LAMA3: variants seen among roughly 807,000 people sequenced by gnomAD.
LAMA3 encodes laminin subunit alpha 3.
A neutral mutation model predicts 402.0 loss-of-function variants in LAMA3; 281 were observed. That is an observed-to-expected ratio of 0.70 (90% CI 0.63 to 0.77). The LOEUF is 0.77. LAMA3 is among the 30% of genes least tolerant of loss of function. The pLI is 0.00. For missense variants in LAMA3, 3,840 were observed against 4,215.5 expected, an observed-to-expected ratio of 0.91 and a Z score of 2.47; for synonymous variants, 1,431 against 1,558.4, an observed-to-expected ratio of 0.92 and a Z score of 1.93.
chr18:23,871,583 T>C lies in LAMA3; in HGVS notation c.4920T>C (p.Ser1640=). The C allele has an allele frequency of 6.2e-7, 1 of 1,614,168 alleles. No homozygotes were observed. The highest frequency in any genetic ancestry group is 1.1e-5 in the South Asian group (1 of 91,078). Reference sequence around the variant, plus strand: ...GCGAGGTGGGGCTAGAGGAAGCCTCTGACACAGGAAGTGGGCGCATAGCAC... The same window carrying C: ...GCGAGGTGGGGCTAGAGGAAGCCTCCGACACAGGAAGTGGGCGCATAGCAC... The part of the protein sequence containing the change: ...TLSEVGLEEA[S]DTGSGRIALA... The change falls in exon 38 of 75, where the codon TCT becomes TCC. Residue 1640 remains serine (S), a synonymous_variant. Coordinates refer to ENST00000313654, the MANE Select transcript of LAMA3 (RefSeq NM_198129.4).
At chr18:23,866,099 T>G (rs536062868) in intron 36 of LAMA3, among the ~76,000 whole-genome samples, 1 of 152,288 alleles carries the variant, frequency 6.6e-6, no homozygotes, top group South Asian at 2.1e-4. Flanking sequence ...GGGACGTTTG[T>G]TTTTTGAGAA....
chr18:23,756,373 TTA>T (rs1491280429), intron 6 of LAMA3, among the ~76,000 whole-genome samples: 59 of 148,584 alleles, frequency 4.0e-4, no homozygotes, highest in African/African-American at 1.5e-3. Flanking sequence ...TCTCTCATAT[TTA>T]AAAAAAAAAA....
intron 42 of LAMA3, among the ~76,000 whole-genome samples, chr18:23,891,369 G>C (rs1423086201): frequency 1.3e-5 from 2 of 152,176 alleles, no homozygotes; most frequent in African/African-American, 2.4e-5. Flanking sequence ...AAAACTCATG[G>C]AGGAAACCAG....
intron 35 of LAMA3, 32 bp downstream of exon 35, chr18:23,861,839 C>T (rs376331276): frequency 1.3e-6 from 2 of 1,592,862 alleles, no homozygotes; most frequent in South Asian, 2.3e-5. Flanking sequence ...TCTGGGCCCT[C>T]AGTGGGCCTC....
chr18:23,933,434 G>A (rs2082224420), intron 66 of LAMA3, among the ~76,000 whole-genome samples: 2 of 152,014 alleles, frequency 1.3e-5, no homozygotes, highest in Admixed American at 1.3e-4. Context: ...CACATTTATG[G>A]GTTACATGTG....
chr18:23,857,836 G>T lies in LAMA3; in HGVS notation c.4137-8G>T. The stretch of plus-strand genomic sequence containing the variant: ...TGATGATTTTTGCTTCCTTTACTTT[G>T]TGTACAGATGCAAGCCCAGAATCAC... On this transcript the variant is annotated splice_region_variant and splice_polypyrimidine_tract_variant and intron_variant, in intron 32 of 74. Transcript: ENST00000313654. The T allele has an allele frequency of 6.2e-7, 1 of 1,614,198 alleles. No individual in the cohort carries two copies. Among genetic ancestry groups the T allele is most frequent in the South Asian group, 1.1e-5 (1 of 91,088 alleles).
rs1385375120 is a variant in LAMA3, at chr18:23,876,420, A to T, written c.5112+13A>T. The T allele has an allele frequency of 6.6e-7, 1 of 1,507,080 alleles. No individual in the cohort carries two copies. The highest frequency in any genetic ancestry group is 2.3e-5 in the East Asian group (1 of 44,378). The allele number at this position is 1,507,080 out of a possible 1,614,324, so 93.4% of individuals were successfully genotyped here. ...AGGCATATGTGTTGTGAGTAAATTG[A>T]CACTTTAATGCTATCAGCAGACAAT... On this transcript the variant is annotated intron_variant, in intron 39 of 74. Transcript: ENST00000313654.
At chr18:23,953,160 C>T (rs779598837) in intron 74 of LAMA3, 51 bp downstream of exon 74, 15 of 1,608,738 alleles carry the variant, frequency 9.3e-6, no homozygotes, top group Non-Finnish European at 1.3e-5. Flanking sequence ...CAGCTCTGAA[C>T]ATTCACTTCT....
intron 41 of LAMA3, among the ~76,000 whole-genome samples, chr18:23,887,276 A>G (rs767116636): frequency 4.6e-5 from 7 of 152,142 alleles, no homozygotes; most frequent in Non-Finnish European, 8.8e-5. Context: ...TGCAATTAGG[A>G]GGTATATCCA....
chr18:23,914,318 C>T (rs1159279673), intron 56 of LAMA3, 92 bp from the exon 57 acceptor site: 2 of 1,347,828 alleles, frequency 1.5e-6, no homozygotes, highest in African/African-American at 1.4e-5. Context: ...GCCTAAAACC[C>T]ATTAGTTATT....
At chr18:23,776,904 G>C (rs942946117) in intron 10 of LAMA3, among the ~76,000 whole-genome samples, 2 of 149,492 alleles carry the variant, frequency 1.3e-5, no homozygotes, top group Admixed American at 1.3e-4. Context: ...GCAATGGTGC[G>C]ATCTTGGCTC....
intron 12 of LAMA3, among the ~76,000 whole-genome samples, chr18:23,802,781 C>T (rs1029733899): frequency 2.0e-5 from 3 of 152,168 alleles, no homozygotes; most frequent in Admixed American, 1.3e-4. Flanking sequence ...CCTCTTGATT[C>T]CTGAACTCGT....
At chr18:23,816,302 G>T in intron 17 of LAMA3, 86 bp from the exon 18 acceptor site, 3 of 970,588 alleles carry the variant, frequency 3.1e-6, no homozygotes, top group Non-Finnish European at 4.9e-6. Context: ...CACTGGGATG[G>T]TCAGTTTTCC....
chr18:23,816,813 G>A (rs1207422487), intron 18 of LAMA3, among the ~76,000 whole-genome samples: 1 of 152,202 alleles, frequency 6.6e-6, no homozygotes, highest in Admixed American at 6.5e-5. Context: ...GCAAGTTGGA[G>A]CAGGAGGAGC....
At chr18:23,760,120 T>C (rs2061938947) in intron 7 of LAMA3, among the ~76,000 whole-genome samples, 1 of 152,200 alleles carries the variant, frequency 6.6e-6, no homozygotes, top group Admixed American at 6.5e-5. Context: ...GAACCCTTTG[T>C]AAATAACATG....
rs1348791320 is a variant in LAMA3, at chr18:23,871,490, G to A, written c.4827G>A (p.Val1609=). The A allele has an allele frequency of 6.2e-7, 1 of 1,614,204 alleles. No homozygotes were observed. The highest frequency in any genetic ancestry group is 1.7e-5 in the Admixed American group (1 of 60,030). Residue 1609 remains valine (V), a synonymous_variant, in exon 38 of 75, where the codon GTG becomes GTA. Transcript: ENST00000313654. ...TGTCTAGGGAGGAGCTGATGACAGT[G>A]CTGTCTAGACTGGCAGATGTGCGCA... ...APVSREELMT[V]LSRLADVRIQ...
At chr18:23,767,414 C>G (rs1021725413) in intron 8 of LAMA3, among the ~76,000 whole-genome samples, 2 of 152,056 alleles carry the variant, frequency 1.3e-5, no homozygotes, top group Non-Finnish European at 2.9e-5. Context: ...CAAAGCAGCC[C>G]TAGGCAAAAA....
chr18:23,794,198 C>G (rs1188718395), intron 12 of LAMA3, among the ~76,000 whole-genome samples: 1 of 152,164 alleles, frequency 6.6e-6, no homozygotes, highest in Non-Finnish European at 1.5e-5. Context: ...TAGACTTGAC[C>G]CTCTCTGGGG....
At chr18:23,952,333 T>C (rs2082945525) in intron 73 of LAMA3, among the ~76,000 whole-genome samples, 1 of 152,252 alleles carries the variant, frequency 6.6e-6, no homozygotes, top group African/African-American at 2.4e-5. Flanking sequence ...TTGTGTTATT[T>C]TTTTCAACAA....
Sources: allele counts gnomAD v4.1 joint callset (sites outside exome capture counted in the v4.1 genomes callset), GRCh38; gene constraint gnomAD v4.1.1; transcripts MANE v1.5; gene names NCBI Gene and HGNC (gene_info 2026-07-23, HGNC 2026-07-21).